Variants in NEBL observed in about 807,000 individuals in gnomAD.
NEBL encodes nebulette.
In NEBL, 122 loss-of-function variants were observed where a neutral mutation model predicts 140.2. The ratio of observed to expected loss-of-function variants is 0.87; its 90% confidence interval spans 0.75 to 1.01. The LOEUF (loss-of-function observed/expected upper bound fraction) is 1.01. Ranked by LOEUF, NEBL falls within the 50% of genes least tolerant of loss-of-function variation. NEBL has a pLI of 0.00. For synonymous variants in NEBL, 436 were observed against 398.9 expected (o/e 1.09, Z -1.11); for missense variants, 1,365 against 1,231.3 (o/e 1.11, Z -1.62).
chr10:20,917,087 T>C (rs1833336257), intron 4 of NEBL, among the ~76,000 whole-genome samples: 4 of 152,226 alleles, frequency 2.6e-5, no homozygotes, highest in African/African-American at 9.6e-5. Context: ...CTCCTGATTA[T>C]GGGAACTAGA....
intron 26 of NEBL, among the ~76,000 whole-genome samples, chr10:20,802,064 A>C (rs371225452): frequency 3.3e-5 from 5 of 152,252 alleles, no homozygotes; most frequent in East Asian, 3.8e-4. Context: ...AGGAAAACAG[A>C]AACACATAGC....
intron 3 of NEBL, among the ~76,000 whole-genome samples, chr10:21,210,446 C>A (rs1474382759): frequency 6.6e-6 from 1 of 152,024 alleles, no homozygotes; most frequent in African/African-American, 2.4e-5. Context: ...ACTCTCCAGT[C>A]CAATACATAT....
intron 3 of NEBL, among the ~76,000 whole-genome samples, chr10:21,211,664 G>C (rs910210384): frequency 6.6e-6 from 1 of 152,162 alleles, no homozygotes; most frequent in Non-Finnish European, 1.5e-5. Flanking sequence ...GCCAAACCCA[G>C]TTACGTCAAC....
chr10:21,238,387 T>C lies in NEBL; in HGVS notation n.348+9534A>G, dbSNP rs369279088. ...GCTTTGCATTTCATAAAAGTGAGTA[T>C]GATGTTTTTCCTTTAAAGTTAAGAA... On this transcript the variant is annotated intron_variant and non_coding_transcript_variant, in intron 3 of 8. Coordinates refer to the NEBL transcript ENST00000675702. Among the ~76,000 whole-genome samples the C allele has an allele frequency of 1.4e-4, 22 of 152,278 alleles. No individual in the cohort carries two copies. The East Asian group carries it at 4.3e-3, about 29-fold the overall frequency.
chr10:21,053,481 C>G (rs1834869236), intron 2 of NEBL, among the ~76,000 whole-genome samples: 1 of 152,146 alleles, frequency 6.6e-6, no homozygotes, highest in Admixed American at 6.5e-5. Flanking sequence ...TTCTTTATTG[C>G]TTTATGTTGT....
chr10:20,848,618 T>C (rs915534112), intron 11 of NEBL, among the ~76,000 whole-genome samples: 10 of 147,714 alleles, frequency 6.8e-5, no homozygotes, highest in Non-Finnish European at 1.3e-4. Flanking sequence ...CAAACCCTAT[T>C]ATGAACTGTG....
At chr10:20,946,173 G>A (rs1021904150) in intron 4 of NEBL, among the ~76,000 whole-genome samples, 1 of 152,216 alleles carries the variant, frequency 6.6e-6, no homozygotes, top group Non-Finnish European at 1.5e-5. Flanking sequence ...CAACGAAGGT[G>A]AGAGGCAGCC....
At chr10:21,029,563 A>T in intron 2 of NEBL, 1 of 1,602,052 alleles carries the variant, frequency 6.2e-7, no homozygotes, top group South Asian at 1.1e-5. Context: ...CCGTGATAGA[A>T]ATCGGGATTC....
chr10:20,945,562 G>A (rs1835114165), intron 4 of NEBL, among the ~76,000 whole-genome samples: 1 of 152,174 alleles, frequency 6.6e-6, no homozygotes, highest in South Asian at 2.1e-4. Flanking sequence ...TTATATCCCA[G>A]CACATAAAGG....
Position 20,862,673 on chromosome 10 carries a change from T to C in NEBL, c.685-2847A>G, listed in dbSNP as rs148189033. On this transcript the variant is annotated intron_variant, in intron 7 of 27. Coordinates refer to ENST00000377122, the MANE Select transcript of NEBL (RefSeq NM_006393.3). ...TGTTATCCAACCATGGAACAAGGCA[T>C]AACCCTTTCAGTTTTAAGATCATTT... Among the ~76,000 whole-genome samples the C allele has an allele frequency of 3.9e-3, 600 of 152,356 alleles. 6 individuals carry two copies. The highest frequency in any genetic ancestry group is 0.014 in the African/African-American group (565 of 41,590).
chr10:21,196,996 C>T (rs1841664297), intron 3 of NEBL, among the ~76,000 whole-genome samples: 4 of 152,194 alleles, frequency 2.6e-5, no homozygotes. Flanking sequence ...CGTTTTCTCA[C>T]ATTCCCAGTT....
chr10:21,080,880 G>T (rs1388044281), intron 2 of NEBL, among the ~76,000 whole-genome samples: 2 of 151,986 alleles, frequency 1.3e-5, no homozygotes, highest in Non-Finnish European at 2.9e-5. Context: ...TTTTGAGATG[G>T]AGTATCACTC....
chr10:20,920,450 C>T (rs138040818), intron 4 of NEBL, among the ~76,000 whole-genome samples: 47 of 152,292 alleles, frequency 3.1e-4, no homozygotes, highest in African/African-American at 1.1e-3. Flanking sequence ...CACACTGGAG[C>T]TGTCAAAATG....
chr10:21,241,346 C>T (rs565345739), intron 3 of NEBL, among the ~76,000 whole-genome samples: 1 of 151,892 alleles, frequency 6.6e-6, no homozygotes, highest in Non-Finnish European at 1.5e-5. Flanking sequence ...CAGGGGGCCG[C>T]CTGCGGGATG....
At chr10:21,237,363 C>G (rs529711812) in intron 3 of NEBL, among the ~76,000 whole-genome samples, 1 of 151,914 alleles carries the variant, frequency 6.6e-6, no homozygotes, top group East Asian at 2.0e-4. Flanking sequence ...AGCCACCACA[C>G]CTGGCTAATG....
chr10:20,788,931 A>G (rs1392091598), intron 26 of NEBL, among the ~76,000 whole-genome samples: 1 of 152,184 alleles, frequency 6.6e-6, no homozygotes, highest in Non-Finnish European at 1.5e-5. Flanking sequence ...CTCAGCAAAT[A>G]TTTATCAGTT....
rs1011277593 is a variant in NEBL, at chr10:20,854,371, A to G, written c.904-1722T>C. Among the ~76,000 whole-genome samples, 5 of 152,144 alleles carry G rather than the reference A, an allele frequency of 3.3e-5. 1 individual carries two copies. The highest frequency in any genetic ancestry group is 6.5e-5 in the Admixed American group (1 of 15,282). ...AAGCTCAGTGCTAGGAATGGAACAG[A>G]TGACCAAGTGGCCTGCCACAAGAGA... On this transcript the variant is annotated intron_variant, in intron 9 of 27. Coordinates refer to ENST00000377122, the MANE Select transcript of NEBL (RefSeq NM_006393.3).
chr10:20,784,947 C>G lies in NEBL; in HGVS notation c.*800G>C, dbSNP rs1462887091. On this transcript the variant is annotated 3_prime_UTR_variant, in exon 28 of 28. Transcript: ENST00000377122. ...TAATAGGAACGCGCAGTGCAGCTGC[C>G]TATGTTACAGAAGCTTGAATCTACA... is the stretch of plus-strand genomic sequence containing the variant. 2 of 152,580 alleles carry G rather than the reference C, an allele frequency of 1.3e-5. No individual in the cohort carries two copies. Among genetic ancestry groups the G allele is most frequent in the Non-Finnish European group, 2.9e-5 (2 of 68,050 alleles). 9.5% of individuals were successfully genotyped at this position (152,580 alleles called of 1,614,324 possible). A position where few individuals can be genotyped will look rare whatever the true frequency, so the allele number is the denominator to read the frequency against.
intron 4 of NEBL, among the ~76,000 whole-genome samples, chr10:20,937,454 GGGGGTGGAGACAA>G (rs1360879830): frequency 2.6e-5 from 4 of 152,114 alleles, no homozygotes; most frequent in African/African-American, 9.7e-5. Flanking sequence ...GAAAGAGCCA[GGGGGTGGAGACAA>G]GATGGTCGAA....
Sources: gnomAD v4.1 joint callset for allele counts (sites outside exome capture counted in the v4.1 genomes callset) on GRCh38, gnomAD v4.1.1 for gene constraint, MANE v1.5 for transcripts, NCBI Gene and HGNC (gene_info 2026-07-23, HGNC 2026-07-21) for gene names.